Variants in MYO3B observed in about 807,000 individuals in gnomAD.
MYO3B encodes myosin IIIB, also known as myosin-IIIb.
A neutral mutation model predicts 174.6 loss-of-function variants in MYO3B; 156 were observed. The observed-to-expected ratio is 0.89, with a 90% CI of 0.78 to 1.02. The LOEUF (loss-of-function observed/expected upper bound fraction) is 1.02, where lower values mean the gene tolerates loss of function less well. MYO3B is among the 50% of genes least tolerant of loss of function. MYO3B has a pLI of 0.00. For missense variants in MYO3B, 1,632 were observed against 1,639.4 expected (o/e 1.00, Z 0.08); for synonymous variants, 563 against 569.1 (o/e 0.99, Z 0.15).
At chr2:170,461,835 T>C (rs1684310571) in intron 23 of MYO3B, among the ~76,000 whole-genome samples, 1 of 150,076 alleles carries the variant, frequency 6.7e-6, no homozygotes, top group Non-Finnish European at 1.5e-5. Flanking sequence ...TGTATATGTA[T>C]GGAGGTCGGC....
chr2:170,238,408 T>A (rs2093095156), intron 7 of MYO3B, among the ~76,000 whole-genome samples: 1 of 152,142 alleles, frequency 6.6e-6, no homozygotes, highest in Admixed American at 6.5e-5. Flanking sequence ...GAAAAGCAAA[T>A]GAAAAATAAT....
At chr2:170,381,172 C>T (rs751141131) in intron 9 of MYO3B, among the ~76,000 whole-genome samples, 8 of 151,850 alleles carry the variant, frequency 5.3e-5, no homozygotes, top group Admixed American at 6.6e-5. Flanking sequence ...CCCCCCCCAT[C>T]GGACTGAGTA....
Position 170,466,589 on chromosome 2 carries a change from G to T in MYO3B, c.2892G>T (p.Glu964Asp), listed in dbSNP as rs1684647897. Reference protein sequence around the residue: ...VRCIKPNDDREALQFSRERVL... With the variant: ...VRCIKPNDDRDALQFSRERVL... The stretch of plus-strand genomic sequence containing the variant: ...GCATTAAACCCAATGATGACCGAGA[G>T]GCCCTGCAGTTCTCTCGAGAGAGGG... The change falls in exon 25 of 35, where the codon GAG becomes GAT. Residue 964 changes from glutamate to aspartate, a missense_variant. Physicochemically the swap from Glu to Asp is conservative, Grantham distance 45. Transcript: ENST00000408978. 1 of 1,614,232 alleles carries T rather than the reference G, an allele frequency of 6.2e-7. No individual in the cohort carries two copies. Among genetic ancestry groups the T allele is most frequent in the Non-Finnish European group, 8.5e-7 (1 of 1,180,040 alleles).
chr2:170,590,390 A>G (rs1191055668), intron 32 of MYO3B, among the ~76,000 whole-genome samples: 1 of 152,090 alleles, frequency 6.6e-6, no homozygotes, highest in Non-Finnish European at 1.5e-5. Flanking sequence ...ATACTCCTTC[A>G]TATTTTGGTT....
At chr2:170,481,930 C>A (rs563897452) in intron 25 of MYO3B, among the ~76,000 whole-genome samples, 1 of 152,136 alleles carries the variant, frequency 6.6e-6, no homozygotes, top group African/African-American at 2.4e-5. Flanking sequence ...TGAATGACTT[C>A]TTTTCTCTCT....
chr2:170,414,988 G>T (rs1227453076), intron 22 of MYO3B, among the ~76,000 whole-genome samples: 1 of 152,098 alleles, frequency 6.6e-6, no homozygotes, highest in Non-Finnish European at 1.5e-5. Context: ...GATTCCTTGG[G>T]ATTTTCTGTA....
intron 22 of MYO3B, among the ~76,000 whole-genome samples, chr2:170,420,582 C>T (rs1441593097): frequency 6.6e-6 from 1 of 152,154 alleles, no homozygotes; most frequent in Non-Finnish European, 1.5e-5. Context: ...CAGAGAGTCC[C>T]TTATGAATAA....
At chr2:170,283,286 T>A (rs2105398449) in intron 7 of MYO3B, among the ~76,000 whole-genome samples, 1 of 152,220 alleles carries the variant, frequency 6.6e-6, no homozygotes, top group Non-Finnish European at 1.5e-5. Context: ...CTGCTGGAGA[T>A]CCCTCTTATC....
chr2:170,484,033 A>G (rs1275815509), intron 25 of MYO3B, among the ~76,000 whole-genome samples: 5 of 152,220 alleles, frequency 3.3e-5, no homozygotes, highest in Admixed American at 3.3e-4. Flanking sequence ...TGGTTTAGGG[A>G]TGACTTACAG....
At chr2:170,589,659 GTTA>G (rs1340239427) in intron 32 of MYO3B, among the ~76,000 whole-genome samples, 5 of 152,178 alleles carry the variant, frequency 3.3e-5, no homozygotes, top group African/African-American at 1.2e-4. Context: ...TGAGCTAAGT[GTTA>G]TTATGAGTCA....
chr2:170,551,498 A>G (rs1441897081), intron 32 of MYO3B, among the ~76,000 whole-genome samples: 2 of 146,106 alleles, frequency 1.4e-5, no homozygotes, highest in African/African-American at 5.0e-5. Flanking sequence ...TATTTCTAAT[A>G]CATATGTCAT....
At chr2:170,567,291 A>T (rs1346074950) in intron 32 of MYO3B, among the ~76,000 whole-genome samples, 4 of 152,218 alleles carry the variant, frequency 2.6e-5, no homozygotes, top group Non-Finnish European at 1.5e-5. Flanking sequence ...CTAGATGAGT[A>T]TTAATGAAAT....
At chr2:170,379,332 C>G (rs1200081181) in intron 9 of MYO3B, among the ~76,000 whole-genome samples, 2 of 151,946 alleles carry the variant, frequency 1.3e-5, no homozygotes, top group East Asian at 3.9e-4. Flanking sequence ...GTAGCTGGGG[C>G]TACAGGCGTG....
intron 25 of MYO3B, among the ~76,000 whole-genome samples, chr2:170,472,311 A>C (rs1315522035): frequency 6.6e-6 from 1 of 152,088 alleles, no homozygotes; most frequent in Non-Finnish European, 1.5e-5. Context: ...TTACTTTCCT[A>C]GTCTCTTCTC....
At chr2:170,518,981 T>C (rs1196595680) in intron 29 of MYO3B, among the ~76,000 whole-genome samples, 3 of 152,224 alleles carry the variant, frequency 2.0e-5, no homozygotes, top group Non-Finnish European at 2.9e-5. Context: ...AATAGGTTAC[T>C]CCTGGAATTA....
rs181378922 is a variant in MYO3B, at chr2:170,401,524, C to T, written c.1962C>T (p.Ala654=). The T allele has an allele frequency of 1.5e-5, 24 of 1,614,156 alleles. No individual in the cohort carries two copies. Among genetic ancestry groups the T allele is most frequent in the Middle Eastern group, 1.6e-4 (1 of 6,062 alleles). ...TTAGCCCTGAAGAGCTCCAGGAGGCCCTCACCTCCCACTGTGTGGTCACCC... is the reference window on the plus strand; with the variant it reads ...TTAGCCCTGAAGAGCTCCAGGAGGCTCTCACCTCCCACTGTGTGGTCACCC... ...LCISPEELQE[A]LTSHCVVTRG... Residue 654 remains alanine (A), a synonymous_variant, in exon 18 of 35, where the codon GCC becomes GCT. Transcript: ENST00000408978.
chr2:170,226,175 T>C (rs1055427518), intron 6 of MYO3B, among the ~76,000 whole-genome samples: 6 of 152,146 alleles, frequency 3.9e-5, no homozygotes, highest in African/African-American at 1.2e-4. Flanking sequence ...AGACTGGAGA[T>C]TCATGGGACC....
chr2:170,638,401 C>T (rs1021741287), intron 32 of MYO3B, among the ~76,000 whole-genome samples: 1 of 152,150 alleles, frequency 6.6e-6, no homozygotes, highest in Non-Finnish European at 1.5e-5. Context: ...ATGAATGAAT[C>T]ATGTTAGAAT....
At chr2:170,356,496 G>A (rs1359157707) in intron 8 of MYO3B, among the ~76,000 whole-genome samples, 1 of 151,968 alleles carries the variant, frequency 6.6e-6, no homozygotes, top group Non-Finnish European at 1.5e-5. Flanking sequence ...CTGAGTAGCT[G>A]GGATTACAGG....
Sources: gnomAD v4.1 joint callset for allele counts (sites outside exome capture counted in the v4.1 genomes callset) on GRCh38, gnomAD v4.1.1 for gene constraint, MANE v1.5 for transcripts, NCBI Gene and HGNC (gene_info 2026-07-23, HGNC 2026-07-21) for gene names.